Variants in BCL2L1 observed in about 807,000 individuals in gnomAD.
The protein encoded by BCL2L1 is bcl-2-like protein 1.
A neutral mutation model predicts 18.7 loss-of-function variants in BCL2L1; 1 was observed. The ratio of observed to expected loss-of-function variants is 0.05; its 90% CI spans 0.02 to 0.25. BCL2L1 has a LOEUF of 0.25. Among genes scored for constraint, BCL2L1 ranks in the 10% least tolerant of loss-of-function variants. The pLI is 1.00. For synonymous variants in BCL2L1, 103 were observed against 122.7 expected (o/e 0.84, Z 1.06); for missense variants, 207 against 304.9 (o/e 0.68, Z 2.39).
chr20:31,695,461 C>T (rs1388457213), intron 2 of BCL2L1, among the ~76,000 whole-genome samples: 1 of 152,142 alleles, frequency 6.6e-6, no homozygotes, highest in East Asian at 1.9e-4. Flanking sequence ...TTTTTTTGTA[C>T]TTGCTTTATT....
chr20:31,720,223 G>A, intron 2 of BCL2L1: 1 of 919,936 alleles, frequency 1.1e-6, no homozygotes. Flanking sequence ...TGCAAAATGA[G>A]AGAGGGGGTG....
intron 2 of BCL2L1, among the ~76,000 whole-genome samples, chr20:31,693,687 C>A (rs1048459353): frequency 6.6e-6 from 1 of 152,116 alleles, no homozygotes; most frequent in Non-Finnish European, 1.5e-5. Flanking sequence ...TGCACCACCA[C>A]GCCCAGCTAT....
chr20:31,701,077 C>T (rs769026747), intron 2 of BCL2L1, among the ~76,000 whole-genome samples: 3 of 151,926 alleles, frequency 2.0e-5, no homozygotes, highest in East Asian at 3.9e-4. Flanking sequence ...TTTTTGGAGA[C>T]GGAGTCTTGC....
At chr20:31,691,185 A>G (rs1312519312) in intron 2 of BCL2L1, among the ~76,000 whole-genome samples, 11 of 138,564 alleles carry the variant, frequency 7.9e-5, no homozygotes, top group African/African-American at 1.7e-4. Flanking sequence ...AAAAAAAAAA[A>G]AAAGAAATAT....
At chr20:31,706,701 T>C (rs1220732152) in intron 2 of BCL2L1, among the ~76,000 whole-genome samples, 1 of 152,258 alleles carries the variant, frequency 6.6e-6, no homozygotes, top group African/African-American at 2.4e-5. Context: ...ATATTGCTTC[T>C]ACTCAAAAAA....
chr20:31,710,196 G>A (rs954187775), intron 2 of BCL2L1, among the ~76,000 whole-genome samples: 3 of 152,164 alleles, frequency 2.0e-5, no homozygotes, highest in South Asian at 2.1e-4. Flanking sequence ...GATAAAGCCC[G>A]TGTACTCCGA....
At chr20:31,721,618 C>A (rs762650646) in intron 2 of BCL2L1, 37 bp downstream of exon 2, 3 of 1,545,732 alleles carry the variant, frequency 1.9e-6, no homozygotes, top group Non-Finnish European at 2.6e-6. Flanking sequence ...TGACCAGAGG[C>A]CAAAGAAAAG....
intron 2 of BCL2L1, among the ~76,000 whole-genome samples, chr20:31,684,677 C>A (rs1017258395): frequency 3.3e-5 from 5 of 152,216 alleles, no homozygotes; most frequent in Non-Finnish European, 7.3e-5. Context: ...TGTCTCCTCC[C>A]AAACCCACTC....
intron 2 of BCL2L1, among the ~76,000 whole-genome samples, chr20:31,720,395 C>T (rs769548588): frequency 6.6e-6 from 1 of 152,212 alleles, no homozygotes; most frequent in Non-Finnish European, 1.5e-5. Context: ...TTATTTTCCA[C>T]AGCTTGATGC....
At chr20:31,669,518 T>C (rs1299167430) in intron 2 of BCL2L1, among the ~76,000 whole-genome samples, 1 of 150,756 alleles carries the variant, frequency 6.6e-6, no homozygotes, top group Non-Finnish European at 1.5e-5. Context: ...AGTGGTGCAA[T>C]CTTGGCTCAC....
chr20:31,665,833 G>GGGCA lies in BCL2L1; in HGVS notation c.*112_*115dup, dbSNP rs1456868565. On this transcript the variant is annotated 3_prime_UTR_variant, in exon 3 of 3. Transcript: ENST00000307677. Reference sequence around the variant, plus strand: ...CCAGATCTGGGCCCAACCCTGTGATGGGCAGGTGGGCATGGGCTGCATGTA... The same window carrying GGGCA: ...CCAGATCTGGGCCCAACCCTGTGATGGGCAGGCAGGTGGGCATGGGCTGCATGTA... 15 of 1,375,720 alleles carry GGGCA rather than the reference G, an allele frequency of 1.1e-5. No homozygotes were observed. In the Admixed American group the frequency reaches 3.1e-4, roughly 28 times the overall value. The allele number at this position is 1,375,720 out of a possible 1,614,324, so 85.2% of individuals were successfully genotyped here. A position where few individuals can be genotyped will look rare whatever the true frequency, so the allele number is the denominator to read the frequency against.
intron 2 of BCL2L1, chr20:31,721,063 T>C (rs758532087): frequency 1.6e-4 from 126 of 795,160 alleles, no homozygotes; most frequent in Non-Finnish European, 1.8e-4. Flanking sequence ...CAGCCTACAC[T>C]GCCCCAAAAT....
upstream of BCL2L1, chr20:31,723,870 G>A: frequency 1.0e-6 from 1 of 985,454 alleles, no homozygotes; most frequent in South Asian, 4.7e-5. Flanking sequence ...CTACCTGGCT[G>A]ACTGCTCGCG....
At position 31,697,892 on chromosome 20, in the gene BCL2L1, G is replaced by GTTTTTTTTTTTTTTTTTTTTTTTTTTT. The variant is rs199575410; in HGVS notation, c.564+23762_564+23763insAAAAAAAAAAAAAAAAAAAAAAAAAAA. Among the ~76,000 whole-genome samples, 82 of 129,630 alleles carry GTTTTTTTTTTTTTTTTTTTTTTTTTTT rather than the reference G, an allele frequency of 6.3e-4. 2 individuals carry two copies. Among genetic ancestry groups the GTTTTTTTTTTTTTTTTTTTTTTTTTTT allele is most frequent in the African/African-American group, 2.4e-3 (74 of 30,492 alleles). The allele number at this position is 129,630 out of a possible 152,430, so 85.0% of individuals were successfully genotyped here. A position where few individuals can be genotyped will look rare whatever the true frequency, so the allele number is the denominator to read the frequency against. On this transcript the variant is annotated intron_variant, in intron 2 of 2. Coordinates refer to ENST00000307677, the MANE Select transcript of BCL2L1 (RefSeq NM_138578.3). ...AGAATCCTCAGCATGTGCTGTTGCT[G>GTTTTTTTTTTTTTTTTTTTTTTTTTTT]TTTTTTTTTTTTTGAGACGGAGTCT...
intron 2 of BCL2L1, among the ~76,000 whole-genome samples, chr20:31,710,913 G>A (rs188023420): frequency 6.6e-6 from 1 of 152,312 alleles, no homozygotes; most frequent in African/African-American, 2.4e-5. Context: ...CGCGGGCCCT[G>A]AGCCAGGTAG....
intron 2 of BCL2L1, among the ~76,000 whole-genome samples, chr20:31,701,300 C>T (rs778306971): frequency 9.9e-5 from 15 of 152,216 alleles, no homozygotes; most frequent in African/African-American, 3.6e-4. Flanking sequence ...GATCTGCCCA[C>T]CTTGCCCTCC....
intron 2 of BCL2L1, among the ~76,000 whole-genome samples, chr20:31,718,632 G>A (rs1427329064): frequency 4.0e-5 from 6 of 149,014 alleles, no homozygotes; most frequent in Non-Finnish European, 7.4e-5. Flanking sequence ...TCCAGCCTAG[G>A]CAACAAGAGC....
intron 2 of BCL2L1, among the ~76,000 whole-genome samples, chr20:31,671,765 C>T (rs2060671737): frequency 6.6e-6 from 1 of 151,608 alleles, no homozygotes; most frequent in South Asian, 2.1e-4. Context: ...GGCCACAGCA[C>T]ATAAGGAGAT....
intron 2 of BCL2L1, among the ~76,000 whole-genome samples, chr20:31,676,273 T>C (rs941154285): frequency 9.2e-5 from 14 of 152,140 alleles, no homozygotes; most frequent in African/African-American, 3.4e-4. Flanking sequence ...GTGTAAAGAA[T>C]TTGCTTAATC....
Sources: allele counts gnomAD v4.1 joint callset (sites outside exome capture counted in the v4.1 genomes callset), GRCh38; gene constraint gnomAD v4.1.1; transcripts MANE v1.5; gene names NCBI Gene and HGNC (gene_info 2026-07-23, HGNC 2026-07-21).